PLD5: variants seen among roughly 807,000 people sequenced by gnomAD.
PLD5 encodes the protein inactive phospholipase D5.
In PLD5, 36 loss-of-function variants were observed where a neutral mutation model predicts 61.1. That is an observed-to-expected ratio of 0.59 (90% CI 0.45 to 0.78). PLD5 has a LOEUF of 0.78. PLD5 is among the 30% of genes least tolerant of loss of function. The pLI is 0.00. For synonymous variants in PLD5, 243 were observed against 242.8 expected, an observed-to-expected ratio of 1.00 and a Z score of -0.01; for missense variants, 515 against 644.4, an observed-to-expected ratio of 0.80 and a Z score of 2.17.
intron 1 of PLD5, among the ~76,000 whole-genome samples, chr1:242,426,528 C>T (rs1314260503): frequency 6.6e-6 from 1 of 152,084 alleles, no homozygotes; most frequent in Non-Finnish European, 1.5e-5. Flanking sequence ...TGCATTGCAC[C>T]ACCACATTAC....
intron 1 of PLD5, among the ~76,000 whole-genome samples, chr1:242,389,699 A>T (rs1356040088): frequency 6.6e-6 from 1 of 152,040 alleles, no homozygotes; most frequent in Non-Finnish European, 1.5e-5. Flanking sequence ...CTGGCTTGAA[A>T]AATATTCATC....
intron 7 of PLD5, among the ~76,000 whole-genome samples, chr1:242,111,473 T>G (rs544007341): frequency 2.3e-4 from 35 of 151,522 alleles, no homozygotes; most frequent in South Asian, 4.2e-4. Flanking sequence ...ATAGTGTCTG[T>G]TTTTTTTTAC....
At chr1:242,394,938 A>AAT (rs1491170110) in intron 1 of PLD5, among the ~76,000 whole-genome samples, 1 of 90,688 alleles carries the variant, frequency 1.1e-5, no homozygotes, top group African/African-American at 4.5e-5. Context: ...ACATTATATG[A>AAT]ATATATATGA....
rs542972728 is a variant in PLD5 at position 242,166,428 on chromosome 1, T to C, written c.736-41763A>G. The stretch of plus-strand genomic sequence containing the variant: ...GAAACCCCAAGTTAGCTGGGCCCTC[T>C]CAAAACAACACTTGCCTCTATTTAC... On this transcript the variant is annotated intron_variant, in intron 5 of 9. Coordinates refer to ENST00000536534, the MANE Select transcript of PLD5 (RefSeq NM_001372062.1). Among the ~76,000 whole-genome samples, 110 of 152,150 alleles carry C rather than the reference T, an allele frequency of 7.2e-4. 2 individuals are homozygous for C. The highest frequency in any genetic ancestry group is 2.5e-4 in the Non-Finnish European group (17 of 68,046).
At chr1:242,239,802 T>C (rs1035082612) in intron 4 of PLD5, among the ~76,000 whole-genome samples, 1 of 152,204 alleles carries the variant, frequency 6.6e-6, no homozygotes, top group Non-Finnish European at 1.5e-5. Flanking sequence ...TTAAAGCTGC[T>C]GAGAAAATTA....
At chr1:242,234,077 G>C (rs983048111) in intron 4 of PLD5, among the ~76,000 whole-genome samples, 4 of 152,192 alleles carry the variant, frequency 2.6e-5, no homozygotes, top group Non-Finnish European at 5.9e-5. Flanking sequence ...AAATGTTAAC[G>C]CATTTGTTCC....
the PLD5 span, among the ~76,000 whole-genome samples, chr1:242,529,838 C>T: frequency 1.4e-5 from 2 of 143,672 alleles, no homozygotes; most frequent in East Asian, 2.0e-4. Flanking sequence ...TCTTCTCTCC[C>T]TCCCTCCTTC....
At chr1:242,347,368 A>T (rs1660196377) in intron 2 of PLD5, among the ~76,000 whole-genome samples, 1 of 152,184 alleles carries the variant, frequency 6.6e-6, no homozygotes, top group Admixed American at 6.5e-5. Flanking sequence ...GCCTCACTTC[A>T]GCTTTGCAGC....
At chr1:242,402,223 A>C (rs918372117) in intron 1 of PLD5, among the ~76,000 whole-genome samples, 4 of 152,226 alleles carry the variant, frequency 2.6e-5, no homozygotes, top group Non-Finnish European at 5.9e-5. Flanking sequence ...CTAGAGAATA[A>C]ATGGAACAAA....
chr1:242,479,887 CAA>C (rs200496068), intron 1 of PLD5, among the ~76,000 whole-genome samples: 1 of 131,974 alleles, frequency 7.6e-6, no homozygotes. Flanking sequence ...ACTAAAAATA[CAA>C]AAAAAAAAAA....
chr1:242,396,165 A>G (rs966836699), intron 1 of PLD5, among the ~76,000 whole-genome samples: 1 of 152,192 alleles, frequency 6.6e-6, no homozygotes, highest in Non-Finnish European at 1.5e-5. Flanking sequence ...AGTGATGGGC[A>G]GGACCAGATG....
intron 5 of PLD5, among the ~76,000 whole-genome samples, chr1:242,165,525 C>T (rs1262239047): frequency 1.3e-5 from 2 of 151,178 alleles, no homozygotes; most frequent in Non-Finnish European, 2.9e-5. Context: ...ATGTCTCAAA[C>T]CTTCACAATG....
rs1574564533 is a variant in PLD5 at position 242,228,793 on chromosome 1, G to A, written c.608-8678C>T. 3.3e-5 allele frequency among the ~76,000 whole-genome samples: 5 copies of A among 151,910 alleles called. No individual in the cohort carries two copies. The South Asian group carries it at 6.2e-4, about 19-fold the overall frequency. ...TGAAAAAGACACTGTCCTCGTCCTC[G>A]CAACAGAGAGAAATGATGAATGAGA... On this transcript the variant is annotated intron_variant, in intron 4 of 9. Coordinates refer to ENST00000536534, the MANE Select transcript of PLD5 (RefSeq NM_001372062.1).
intron 3 of PLD5, among the ~76,000 whole-genome samples, chr1:242,275,103 A>G (rs1674342234): frequency 1.3e-5 from 2 of 152,174 alleles, no homozygotes; most frequent in African/African-American, 4.8e-5. Context: ...AGTGAAAATT[A>G]AAAAGGAAAT....
intron 8 of PLD5, among the ~76,000 whole-genome samples, chr1:242,104,297 CT>C (rs368132707): frequency 0.22 from 28,079 of 129,330 alleles, 2,379 homozygotes; most frequent in South Asian, 0.28. Flanking sequence ...CTAGTTTTTG[CT>C]TTTTTTTTTT....
intron 6 of PLD5, among the ~76,000 whole-genome samples, chr1:242,116,471 T>C (rs1361975610): frequency 6.6e-6 from 1 of 152,162 alleles, no homozygotes; most frequent in Non-Finnish European, 1.5e-5. Context: ...TACATGGATA[T>C]ATATTATGTG....
intron 1 of PLD5, among the ~76,000 whole-genome samples, chr1:242,382,128 CA>C (rs34582650): frequency 8.8e-5 from 11 of 125,576 alleles, no homozygotes; most frequent in Non-Finnish European, 9.9e-5. Context: ...ACTTTGACAG[CA>C]AAAAAAAAAA....
chr1:242,385,362 G>A (rs1223951385), intron 1 of PLD5, among the ~76,000 whole-genome samples: 1 of 152,068 alleles, frequency 6.6e-6, no homozygotes, highest in Non-Finnish European at 1.5e-5. Flanking sequence ...AGCCCTCCTA[G>A]GCTCCTAGAT....
chr1:242,413,129 C>T (rs1664644882), intron 1 of PLD5, among the ~76,000 whole-genome samples: 1 of 152,162 alleles, frequency 6.6e-6, no homozygotes, highest in South Asian at 2.1e-4. Flanking sequence ...TGTGATCTGT[C>T]CCTCTGTGAT....
Sources: allele counts gnomAD v4.1 joint callset (sites outside exome capture counted in the v4.1 genomes callset), GRCh38; gene constraint gnomAD v4.1.1; transcripts MANE v1.5; gene names NCBI Gene and HGNC (gene_info 2026-07-23, HGNC 2026-07-21).